CCDC183: variants seen among roughly 807,000 people sequenced by gnomAD.
The protein encoded by CCDC183 is coiled-coil domain-containing protein 183.
Under a neutral mutation model 65.2 loss-of-function variants are expected in CCDC183, and 63 were observed. That is an observed-to-expected ratio of 0.97 (90% confidence interval 0.79 to 1.19). The LOEUF is 1.19. CCDC183 is among the 50% of genes most tolerant of loss of function. The pLI, the probability that CCDC183 is intolerant of heterozygous loss-of-function variation, is 0.00. For missense variants in CCDC183, 769 were observed against 689.3 expected, an observed-to-expected ratio of 1.12 and a Z score of -1.30; for synonymous variants, 323 against 276.5, an observed-to-expected ratio of 1.17 and a Z score of -1.67.
At position 136,800,380 on chromosome 9, in the gene CCDC183, C is replaced by G. The variant is rs764003142; in HGVS notation, c.439-9C>G. 1 of 1,604,556 alleles carries G rather than the reference C, an allele frequency of 6.2e-7. No homozygotes were observed. The highest frequency in any genetic ancestry group is 1.1e-5 in the South Asian group (1 of 89,372). ...CACGCCCTCTCACTGCGCCCTCGGT[C>G]CGCCCCAGATCATCCGCCAGCTGGA... On this transcript the variant is annotated splice_polypyrimidine_tract_variant and intron_variant, in intron 4 of 13. Coordinates refer to ENST00000338005, the MANE Select transcript of CCDC183 (RefSeq NM_001039374.5).
chr9:136,804,645 G>A lies in CCDC183; in HGVS notation c.792+18G>A, dbSNP rs1427095233. 6.2e-7 allele frequency: 1 copy of A among 1,613,390 alleles called. No homozygotes were observed. The highest frequency in any genetic ancestry group is 2.2e-5 in the East Asian group (1 of 44,872). On this transcript the variant is annotated intron_variant, in intron 7 of 13. Transcript: ENST00000338005. The surrounding 1 kb of genome is among the most constrained non-coding windows in gnomAD (Gnocchi z 4.1). Reference sequence around the variant, plus strand: ...ACCGCCGGGTAAGCCCCAGGCCAGGGCCTGGCTGGCTGCCCATCCCCATGA... The same window carrying A: ...ACCGCCGGGTAAGCCCCAGGCCAGGACCTGGCTGGCTGCCCATCCCCATGA...
At chr9:136,799,525 C>T (rs888007008) in intron 2 of CCDC183, 188 bp from the exon 3 acceptor site, 1 of 676,428 alleles carries the variant, frequency 1.5e-6, no homozygotes. Context: ...TGCATACCCC[C>T]CTACCACGTC....
chr9:136,807,104 G>C (rs764637844), intron 13 of CCDC183, 38 bp downstream of exon 13: 1 of 1,602,618 alleles, frequency 6.2e-7, no homozygotes, highest in Non-Finnish European at 8.5e-7. Context: ...CTGCAGGCGG[G>C]TGGCTGGAAC....
chr9:136,806,025 C>T, intron 9 of CCDC183, 53 bp from the exon 10 acceptor site: 1 of 1,479,932 alleles, frequency 6.8e-7, no homozygotes, highest in Non-Finnish European at 9.1e-7. Flanking sequence ...GTGAAGCCCC[C>T]TCTGCCCACC....
At chr9:136,803,383 A>G (rs1847782459) in intron 6 of CCDC183, among the ~76,000 whole-genome samples, 1 of 152,194 alleles carries the variant, frequency 6.6e-6, no homozygotes, top group South Asian at 2.1e-4. Flanking sequence ...TCCAGTGGCC[A>G]GCCCGGCCAG....
At chr9:136,796,670 G>A (rs1179206575) in intron 1 of CCDC183, among the ~76,000 whole-genome samples, 3 of 152,236 alleles carry the variant, frequency 2.0e-5, no homozygotes, top group African/African-American at 7.2e-5. Flanking sequence ...CCAACTCTGT[G>A]CTCACAGAAA....
Position 136,806,886 on chromosome 9 carries a change from G to A in CCDC183, c.1389+19G>A, listed in dbSNP as rs1297757994. The A allele has an allele frequency of 6.2e-7, 1 of 1,613,256 alleles. No homozygotes were observed. The highest frequency in any genetic ancestry group is 2.2e-5 in the East Asian group (1 of 44,902). ...CGAGGAGGTAGCCCCGGGCTGGGAG[G>A]AACCTGCACAGCCCACGTCCCCTCA... On this transcript the variant is annotated intron_variant, in intron 12 of 13. Coordinates refer to ENST00000338005, the MANE Select transcript of CCDC183 (RefSeq NM_001039374.5).
At chr9:136,797,446 T>G (rs183179776) in intron 1 of CCDC183, among the ~76,000 whole-genome samples, 1 of 151,882 alleles carries the variant, frequency 6.6e-6, no homozygotes, top group East Asian at 1.9e-4. Context: ...GTCTTTTTTT[T>G]TTTTTTTTAT....
At position 136,805,368 on chromosome 9, in the gene CCDC183, G is replaced by A. The variant is rs1216706206; in HGVS notation, c.859G>A (p.Glu287Lys). The change falls in exon 9 of 14, where the codon GAG becomes AAG. Residue 287 changes from glutamate to lysine, a missense_variant. Glu to Lys is a moderately conservative substitution (Grantham distance 56). Transcript: ENST00000338005. ...CTCTGCTCTGCCAGTGAGGAGAAAA[G>A]AGACCTCCACAGCAGAAATGGAATA... Reference protein sequence around the residue: ...STETLKLRRKETSTAEMEYQS... With the variant: ...STETLKLRRKKTSTAEMEYQS... 3 of 1,613,398 alleles carry A rather than the reference G, an allele frequency of 1.9e-6. No individual in the cohort carries two copies. The highest frequency in any genetic ancestry group is 1.1e-5 in the South Asian group (1 of 90,844).
intron 10 of CCDC183, 50 bp downstream of exon 10, chr9:136,806,288 G>GC (rs1239981221): frequency 6.5e-7 from 1 of 1,539,826 alleles, no homozygotes. Context: ...TCTCACAAAG[G>GC]CCCCGGGCTG....
intron 5 of CCDC183, 50 bp downstream of exon 5, chr9:136,800,543 AGGGGCGGGAGCGTCCT>A: frequency 1.1e-6 from 1 of 876,164 alleles, no homozygotes; most frequent in Admixed American, 2.1e-5. Context: ...GGGATCTGGG[AGGGGCGGGAGCGTCCT>A]GGGGCGGAGC....
rs779341699 is a variant in CCDC183, at chr9:136,804,841, C to T, written c.847+25C>T. 6.2e-7 allele frequency: 1 copy of T among 1,609,032 alleles called. No individual in the cohort carries two copies. Among genetic ancestry groups the T allele is most frequent in the Non-Finnish European group, 8.5e-7 (1 of 1,175,816 alleles). On this transcript the variant is annotated intron_variant, in intron 8 of 13. Coordinates refer to ENST00000338005, the MANE Select transcript of CCDC183 (RefSeq NM_001039374.5). This position sits in a 1 kb window ranked among gnomAD's most constrained non-coding sequence, Gnocchi z 4.1. ...TGTAAGCGCTCAGCTCCCCACCTGC[C>T]CCCAGCCAGGGTCCCAAGGAGAGGC...
At position 136,797,778 on chromosome 9, in the gene CCDC183, C is replaced by T. The variant is rs118144622; in HGVS notation, c.70+1311C>T. ...TTTTCTCAGTCTTCATCCCACCTGA[C>T]GAGAAATACCCGCAGGTGTGGAGGG... On this transcript the variant is annotated intron_variant, in intron 1 of 13. Transcript: ENST00000338005. Among the ~76,000 whole-genome samples the T allele has an allele frequency of 1.3e-4, 20 of 152,200 alleles. No homozygotes were observed. The East Asian group carries it at 3.3e-3, about 25-fold the overall frequency.
Position 136,799,711 on chromosome 9 carries a change from A to C in CCDC183, c.193-2A>C. 6.2e-7 allele frequency: 1 copy of C among 1,612,632 alleles called. No individual in the cohort carries two copies. Among genetic ancestry groups the C allele is most frequent in the Non-Finnish European group, 8.5e-7 (1 of 1,179,704 alleles). ...TCTAGCTCAGCCGCCGCCGCTCCGC[A>C]GTATGACCAGTGGACCATCTCCAAG... On this transcript the variant is annotated splice_acceptor_variant, in intron 2 of 13. Transcript: ENST00000338005. LOFTEE classifies it high-confidence loss of function.
Position 136,805,419 on chromosome 9 carries a change from G to C in CCDC183, c.910G>C (p.Glu304Gln), listed in dbSNP as rs200555293. ...EYQSGVTAVV[E>Q]KVKSAVRCSH... is the part of the protein sequence containing the mutation. ...CCAGTCGGGCGTGACTGCTGTGGTG[G>C]AGAAGGTCAAGAGTGCTGTACGGTG... Residue 304 changes from glutamate to glutamine, a missense_variant, in exon 9 of 14, where the codon GAG (glutamate) becomes CAG (glutamine). Glu to Gln is a conservative substitution (Grantham distance 29). Transcript: ENST00000338005. 3.3e-4 allele frequency: 530 copies of C among 1,614,102 alleles called. 1 individual carries two copies. The highest frequency in any genetic ancestry group is 3.9e-4 in the Non-Finnish European group (466 of 1,180,004).
intron 2 of CCDC183, 127 bp downstream of exon 2, chr9:136,799,350 G>A: frequency 8.7e-6 from 12 of 1,385,120 alleles, no homozygotes; most frequent in Non-Finnish European, 1.1e-5. Flanking sequence ...GGGCATGTGA[G>A]GAGGGGCTCT....
intron 4 of CCDC183, 71 bp downstream of exon 4, chr9:136,800,240 C>CG (rs1222645322): frequency 1.2e-4 from 15 of 127,984 alleles, no homozygotes; most frequent in Non-Finnish European, 1.6e-4. Flanking sequence ...GCGGGGCCAC[C>CG]GGGGGGCGGG....
intron 3 of CCDC183, 53 bp downstream of exon 3, chr9:136,799,843 C>G (rs1358739159): frequency 6.7e-7 from 1 of 1,503,404 alleles, no homozygotes; most frequent in South Asian, 1.2e-5. Context: ...CCTGCCAGCA[C>G]CCCCCCACTA....
chr9:136,804,084 G>C lies in CCDC183; in HGVS notation c.667-418G>C. ...CCCACTAAGCGCTGGCAACGAGAGT[G>C]GCGAGGGTGAGAGCAGTGTCTGGGG... On this transcript the variant is annotated intron_variant, in intron 6 of 13. Transcript: ENST00000338005. The surrounding 1 kb of genome is among the most constrained non-coding windows in gnomAD (Gnocchi z 4.1). 5.3e-6 allele frequency: 1 copy of C among 190,352 alleles called. No individual in the cohort carries two copies. The highest frequency in any genetic ancestry group is 9.7e-5 in the South Asian group (1 of 10,322). The allele number at this position is 190,352 out of a possible 1,614,324, so 11.8% of individuals were successfully genotyped here.
Sources: gnomAD v4.1 joint callset for allele counts (sites outside exome capture counted in the v4.1 genomes callset) on GRCh38, gnomAD v4.1.1 for gene constraint, Gnocchi (gnomAD v3.1) non-coding constraint, MANE v1.5 for transcripts, NCBI Gene and HGNC (gene_info 2026-07-23, HGNC 2026-07-21) for gene names.